Variants in IMMP2L observed in about 807,000 individuals in gnomAD.
The protein encoded by IMMP2L is mitochondrial inner membrane protease subunit 2.
IMMP2L carries 18 observed loss-of-function variants against 19.3 expected under a neutral mutation model. That is an observed-to-expected ratio of 0.93 (90% CI 0.64 to 1.38). The LOEUF is 1.38. IMMP2L is among the 40% of genes most tolerant of loss of function. The pLI, the probability that IMMP2L is intolerant of heterozygous loss-of-function variation, is 0.00. For missense variants in IMMP2L, 233 were observed against 218.2 expected, an observed-to-expected ratio of 1.07 and a Z score of -0.43; for synonymous variants, 76 against 73.0, an observed-to-expected ratio of 1.04 and a Z score of -0.21.
intron 3 of IMMP2L, among the ~76,000 whole-genome samples, chr7:111,009,692 A>T (rs944656994): frequency 3.3e-5 from 5 of 152,026 alleles, no homozygotes; most frequent in Non-Finnish European, 5.9e-5. Flanking sequence ...CAAAATGGAT[A>T]AAAAAAGGAA....
intron 3 of IMMP2L, among the ~76,000 whole-genome samples, chr7:111,340,343 C>G (rs971484289): frequency 6.6e-6 from 1 of 151,908 alleles, no homozygotes; most frequent in Admixed American, 6.6e-5. Flanking sequence ...AAAGGAAAAG[C>G]TGGGATAAAC....
At position 111,501,633 on chromosome 7, in the gene IMMP2L, A is replaced by C. The variant is rs1844271785; in HGVS notation, c.136-14292T>G. Among the ~76,000 whole-genome samples the C allele has an allele frequency of 1.3e-5, 2 of 152,174 alleles. 1 individual carries two copies. On this transcript the variant is annotated intron_variant, in intron 2 of 5. Transcript: ENST00000405709. ...GACAAACAGCGGATCTCTCAGCAGA[A>C]ACTCTACAAGCCAGAAGAGAGTGGG...
rs530386147 is a variant in IMMP2L, at chr7:110,932,596, T to C, written c.305+30904A>G. On this transcript the variant is annotated intron_variant, in intron 4 of 5. Transcript: ENST00000405709. ...GTCTCGATCTCCTGACCTCGTGATC[T>C]ACCCACCTCGGCCTCCCAAAGTGCT... Among the ~76,000 whole-genome samples the C allele has an allele frequency of 6.6e-5, 10 of 152,250 alleles. No homozygotes were observed. The South Asian group carries it at 2.1e-3, about 32-fold the overall frequency.
At chr7:110,770,271 G>A (rs1798950083) in intron 5 of IMMP2L, among the ~76,000 whole-genome samples, 1 of 152,118 alleles carries the variant, frequency 6.6e-6, no homozygotes. Flanking sequence ...GAAGCCATGT[G>A]CATTTATGCA....
chr7:110,835,669 A>G (rs1321241818), intron 5 of IMMP2L, among the ~76,000 whole-genome samples: 2 of 151,652 alleles, frequency 1.3e-5, no homozygotes, highest in African/African-American at 4.9e-5. Flanking sequence ...CTCTTCCTGA[A>G]TCTCTTTTTC....
chr7:111,369,681 G>A (rs1563110595), intron 3 of IMMP2L, among the ~76,000 whole-genome samples: 1 of 151,840 alleles, frequency 6.6e-6, no homozygotes, highest in Non-Finnish European at 1.5e-5. Context: ...ACATCTCCAA[G>A]AATAATAATT....
chr7:111,020,284 T>C (rs1168043009), intron 3 of IMMP2L, among the ~76,000 whole-genome samples: 1 of 152,038 alleles, frequency 6.6e-6, no homozygotes, highest in East Asian at 1.9e-4. Flanking sequence ...CTCGGGAGGC[T>C]GAGACAGAAG....
At chr7:111,358,633 C>A (rs1352249447) in intron 3 of IMMP2L, among the ~76,000 whole-genome samples, 1 of 152,102 alleles carries the variant, frequency 6.6e-6, no homozygotes, top group African/African-American at 2.4e-5. Flanking sequence ...AACCAATTCA[C>A]CAGACAACCC....
intron 3 of IMMP2L, among the ~76,000 whole-genome samples, chr7:111,363,831 A>G: frequency 6.6e-6 from 1 of 151,992 alleles, no homozygotes; most frequent in East Asian, 1.9e-4. Flanking sequence ...TTTCTCCTGT[A>G]CTTACTCTTT....
chr7:111,259,594 C>T (rs1464563647), intron 3 of IMMP2L, among the ~76,000 whole-genome samples: 2 of 151,964 alleles, frequency 1.3e-5, no homozygotes, highest in East Asian at 1.9e-4. Context: ...GCTATAATGA[C>T]ACTACTACAC....
chr7:111,129,353 A>T (rs1038091456), intron 3 of IMMP2L, among the ~76,000 whole-genome samples: 1 of 151,650 alleles, frequency 6.6e-6, no homozygotes, highest in Non-Finnish European at 1.5e-5. Context: ...GTTTCCCACG[A>T]CATTATAGCA....
At chr7:111,321,352 G>A (rs1042164057) in intron 3 of IMMP2L, among the ~76,000 whole-genome samples, 1 of 151,802 alleles carries the variant, frequency 6.6e-6, no homozygotes, top group East Asian at 1.9e-4. Context: ...TTTAATCATT[G>A]CACACTGATT....
intron 3 of IMMP2L, among the ~76,000 whole-genome samples, chr7:111,158,285 T>C (rs535883411): frequency 1.3e-5 from 2 of 152,206 alleles, no homozygotes; most frequent in African/African-American, 2.4e-5. Flanking sequence ...TATAGGTAGA[T>C]AGATATAGAT....
At chr7:111,219,051 A>G (rs1018299627) in intron 3 of IMMP2L, among the ~76,000 whole-genome samples, 1 of 152,066 alleles carries the variant, frequency 6.6e-6, no homozygotes, top group African/African-American at 2.4e-5. Context: ...GGCATGAAAT[A>G]GAGGTATTAA....
In IMMP2L at chr7:111,011,478, GAAGAA is replaced by G. The variant is rs1428053194; in HGVS notation, c.240-47918_240-47914del. Among the ~76,000 whole-genome samples the G allele has an allele frequency of 2.0e-5, 3 of 152,228 alleles. No homozygotes were observed. The East Asian group carries it at 5.8e-4, about 29-fold the overall frequency. ...CAGTGCATTTGAAAAACAATTTTCT[GAAGAA>G]AAGAGTCCCCTTACTATGTCATTAC... is the stretch of plus-strand genomic sequence containing the variant. On this transcript the variant is annotated intron_variant, in intron 3 of 5. Coordinates refer to ENST00000405709, the MANE Select transcript of IMMP2L (RefSeq NM_032549.4).
chr7:111,100,153 T>G (rs1797819043), intron 3 of IMMP2L, among the ~76,000 whole-genome samples: 1 of 151,610 alleles, frequency 6.6e-6, no homozygotes, highest in African/African-American at 2.4e-5. Flanking sequence ...TTCAATAGCT[T>G]TTTGGGAAAC....
chr7:110,804,169 G>T (rs1024355188), intron 5 of IMMP2L, among the ~76,000 whole-genome samples: 6 of 151,968 alleles, frequency 3.9e-5, no homozygotes, highest in Non-Finnish European at 5.9e-5. Context: ...AAACACCCAG[G>T]ATTTGGGTGG....
intron 3 of IMMP2L, among the ~76,000 whole-genome samples, chr7:111,110,250 T>A (rs1460792378): frequency 1.3e-5 from 2 of 152,194 alleles, no homozygotes; most frequent in Non-Finnish European, 2.9e-5. Flanking sequence ...GGGAAAATGA[T>A]ATTCTTTTTC....
chr7:110,750,797 G>C (rs1797671280), intron 5 of IMMP2L, among the ~76,000 whole-genome samples: 1 of 151,934 alleles, frequency 6.6e-6, no homozygotes, highest in African/African-American at 2.4e-5. Context: ...AAACTAGTGA[G>C]GTGTTTAATT....
Sources: allele counts gnomAD v4.1 joint callset (sites outside exome capture counted in the v4.1 genomes callset), GRCh38; gene constraint gnomAD v4.1.1; transcripts MANE v1.5; gene names NCBI Gene and HGNC (gene_info 2026-07-23, HGNC 2026-07-21).